Variants in DACH2 observed in about 807,000 individuals in gnomAD.
The protein encoded by DACH2 is dachshund homolog 2.
Under a neutral mutation model 35.8 loss-of-function variants are expected in DACH2, and 17 were observed. The observed-to-expected ratio is 0.48, with a 90% confidence interval of 0.33 to 0.71. DACH2 has a LOEUF of 0.71. Ranked by LOEUF, DACH2 falls within the 30% of genes least tolerant of loss-of-function variation. The pLI, the probability that DACH2 is intolerant of heterozygous loss-of-function variation, is 0.02. For missense variants in DACH2, 469 were observed against 472.7 expected, an observed-to-expected ratio of 0.99 and a Z score of 0.07; for synonymous variants, 195 against 177.3, an observed-to-expected ratio of 1.10 and a Z score of -0.79.
intron 2 of DACH2, among the ~76,000 whole-genome samples, chrX:86,410,933 A>C (rs768606861): frequency 1.9e-5 from 2 of 102,832 alleles, no homozygotes; most frequent in Non-Finnish European, 3.9e-5. Flanking sequence ...TTGTCTGTAC[A>C]TCTGTGCTAA....
chrX:86,182,851 T>C (rs1464271269), intron 1 of DACH2, among the ~76,000 whole-genome samples: 1 of 111,740 alleles, frequency 8.9e-6, no homozygotes, highest in East Asian at 2.8e-4. Flanking sequence ...TTTATTTCAT[T>C]GAGCAGTGGT....
intron 2 of DACH2, among the ~76,000 whole-genome samples, chrX:86,437,538 A>G (rs915534014): frequency 2.7e-5 from 3 of 111,299 alleles, no homozygotes; most frequent in Non-Finnish European, 3.8e-5. Flanking sequence ...AAAATATGAG[A>G]TTTTTTTGTG....
chrX:86,536,436 G>T (rs184181606), intron 3 of DACH2, among the ~76,000 whole-genome samples: 32 of 112,110 alleles, frequency 2.9e-4, no homozygotes, highest in East Asian at 2.8e-4. Flanking sequence ...TTTGCTCTCT[G>T]TAGAGAATCT....
intron 3 of DACH2, among the ~76,000 whole-genome samples, chrX:86,584,639 T>G (rs2039545664): frequency 9.0e-6 from 1 of 111,151 alleles, no homozygotes; most frequent in Non-Finnish European, 1.9e-5. Flanking sequence ...CCACATTTTT[T>G]GGGTCATTCA....
intron 1 of DACH2, among the ~76,000 whole-genome samples, chrX:86,317,015 G>A (rs1460153529): frequency 9.2e-6 from 1 of 108,500 alleles, no homozygotes; most frequent in Non-Finnish European, 1.9e-5. Flanking sequence ...CTACTTGGGA[G>A]GCTGAGGCAA....
intron 1 of DACH2, among the ~76,000 whole-genome samples, chrX:86,370,817 T>A (rs1602449515): frequency 9.0e-6 from 1 of 111,626 alleles, no homozygotes; most frequent in African/African-American, 3.2e-5. Context: ...AAGAATATCA[T>A]TGAAAATATT....
At chrX:86,613,485 A>G (rs2039970473) in intron 3 of DACH2, among the ~76,000 whole-genome samples, 1 of 111,928 alleles carries the variant, frequency 8.9e-6, no homozygotes, top group Admixed American at 9.5e-5. Flanking sequence ...ACTATAGACT[A>G]TAAAACCAAT....
At chrX:86,253,015 C>A (rs766026741) in intron 1 of DACH2, among the ~76,000 whole-genome samples, 1 of 110,443 alleles carries the variant, frequency 9.1e-6, no homozygotes, top group East Asian at 2.8e-4. Context: ...GCATAGAAAA[C>A]TTTAAAGACT....
At chrX:86,744,649 T>C (rs1490107524) in intron 7 of DACH2, among the ~76,000 whole-genome samples, 1 of 111,794 alleles carries the variant, frequency 8.9e-6, no homozygotes, top group Non-Finnish European at 1.9e-5. Context: ...TGGATGACAT[T>C]ATAATACATG....
At chrX:86,333,978 C>T (rs756228300) in intron 1 of DACH2, among the ~76,000 whole-genome samples, 97 of 106,851 alleles carry the variant, frequency 9.1e-4, no homozygotes, top group African/African-American at 3.1e-3. Flanking sequence ...CATTGTTCAA[C>T]TCCCATTTAT....
chrX:86,571,706 A>AT (rs61304291), intron 3 of DACH2, among the ~76,000 whole-genome samples: 8 of 107,526 alleles, frequency 7.4e-5, no homozygotes, highest in Admixed American at 4.0e-4. Flanking sequence ...GTAACGCAAG[A>AT]TTTTTTTTTT....
At chrX:86,372,553 T>C (rs1348421984) in intron 1 of DACH2, among the ~76,000 whole-genome samples, 1 of 110,832 alleles carries the variant, frequency 9.0e-6, no homozygotes, top group African/African-American at 3.3e-5. Flanking sequence ...GTGCATGCTC[T>C]TTCTATGGGG....
At chrX:86,286,104 TCAGC>T (rs1426895405) in intron 1 of DACH2, among the ~76,000 whole-genome samples, 6 of 100,983 alleles carry the variant, frequency 5.9e-5, no homozygotes, top group African/African-American at 1.8e-4. Flanking sequence ...TTCCATCCAT[TCAGC>T]CAGTCTGTTT....
At chrX:86,711,141 C>T (rs1250529608) in intron 5 of DACH2, among the ~76,000 whole-genome samples, 3 of 111,732 alleles carry the variant, frequency 2.7e-5, no homozygotes, top group African/African-American at 6.5e-5. Flanking sequence ...TTTGGGAGAC[C>T]GAGGCAGGCA....
intron 3 of DACH2, among the ~76,000 whole-genome samples, chrX:86,546,633 GC>G (rs386826106): frequency 0.04 from 4,162 of 103,821 alleles, 246 homozygotes; most frequent in African/African-American, 0.14. Flanking sequence ...TCCTGCCTCA[GC>G]CTCCCGAGTA....
At chrX:86,270,795 T>G (rs192278582) in intron 1 of DACH2, among the ~76,000 whole-genome samples, 371 of 112,266 alleles carry the variant, frequency 3.3e-3, no homozygotes, top group African/African-American at 0.011. Flanking sequence ...TGTCTCCATC[T>G]GGTTTCATAG....
intron 1 of DACH2, among the ~76,000 whole-genome samples, chrX:86,216,148 G>A (rs992752637): frequency 3.9e-4 from 44 of 111,916 alleles, no homozygotes; most frequent in African/African-American, 1.3e-3. Flanking sequence ...AGTATGTATG[G>A]ACAGATTGCC....
At chrX:86,815,496 A>G (rs1008510440) in intron 10 of DACH2, among the ~76,000 whole-genome samples, 3 of 109,371 alleles carry the variant, frequency 2.7e-5, no homozygotes, top group Admixed American at 1.0e-4. Flanking sequence ...CAGCACAATC[A>G]TAAAACATTT....
chrX:86,546,055 AGG>A (rs2148304262), intron 3 of DACH2, among the ~76,000 whole-genome samples: 1 of 61,758 alleles, frequency 1.6e-5, no homozygotes, highest in African/African-American at 3.0e-4. Context: ...CATTGGCTGA[AGG>A]GCTGAAGTAA....
Sources: allele counts gnomAD v4.1 joint callset (sites outside exome capture counted in the v4.1 genomes callset), GRCh38; gene constraint gnomAD v4.1.1; transcripts MANE v1.5; gene names NCBI Gene and HGNC (gene_info 2026-07-23, HGNC 2026-07-21).